The following GMPS variants were observed in gnomAD, a reference collection of about 807,000 sequenced individuals.
GMPS encodes the protein GMP synthase [glutamine-hydrolyzing].
Under a neutral mutation model 77.9 loss-of-function variants are expected in GMPS, and 15 were observed. The ratio of observed to expected loss-of-function variants is 0.19; its 90% CI spans 0.13 to 0.30. The LOEUF (loss-of-function observed/expected upper bound fraction) is 0.30, where lower values mean the gene tolerates loss of function less well. GMPS is among the 10% of genes least tolerant of loss of function. The pLI is 1.00. For missense variants in GMPS, 590 were observed against 838.8 expected (o/e 0.70, Z 3.66); for synonymous variants, 224 against 275.9 (o/e 0.81, Z 1.86).
intron 1 of GMPS, among the ~76,000 whole-genome samples, chr3:155,886,328 C>T (rs1353241565): frequency 6.6e-6 from 1 of 150,992 alleles, no homozygotes; most frequent in African/African-American, 2.4e-5. Context: ...GTAATCCCAG[C>T]ACTTTGGGAG....
chr3:155,877,246 G>A (rs1252293997), intron 1 of GMPS, among the ~76,000 whole-genome samples: 1 of 152,086 alleles, frequency 6.6e-6, no homozygotes, highest in Non-Finnish European at 1.5e-5. Flanking sequence ...GATGTTATTG[G>A]TAGCAGTAGA....
intron 2 of GMPS, chr3:155,895,573 A>C (rs1754583324): frequency 6.6e-6 from 1 of 152,164 alleles, no homozygotes. Context: ...AGCCTCCCAA[A>C]GTGCTGGGAT....
intron 7 of GMPS, among the ~76,000 whole-genome samples, chr3:155,913,372 T>C (rs1755088114): frequency 1.3e-5 from 2 of 152,178 alleles, no homozygotes; most frequent in African/African-American, 2.4e-5. Flanking sequence ...TTCATAAATA[T>C]TAGTTTTACA....
intron 3 of GMPS, among the ~76,000 whole-genome samples, chr3:155,901,717 AG>A (rs1754743249): frequency 1.3e-5 from 2 of 152,072 alleles, no homozygotes; most frequent in African/African-American, 4.8e-5. Context: ...GTAGTCTTAA[AG>A]TTAATTTTCC....
At chr3:155,871,212 C>T (rs1336733857) in intron 1 of GMPS, among the ~76,000 whole-genome samples, 3 of 152,024 alleles carry the variant, frequency 2.0e-5, no homozygotes, top group Non-Finnish European at 4.4e-5. Flanking sequence ...GAGCGCGGCG[C>T]GAGGGTGGGG....
chr3:155,871,683 TC>T (rs1430420508), intron 1 of GMPS, among the ~76,000 whole-genome samples: 2 of 152,218 alleles, frequency 1.3e-5, no homozygotes, highest in Admixed American at 6.5e-5. Context: ...GTAACCCGCT[TC>T]CCCGCCTTTG....
chr3:155,878,850 G>C (rs931598035), intron 1 of GMPS, among the ~76,000 whole-genome samples: 1 of 152,018 alleles, frequency 6.6e-6, no homozygotes, highest in Non-Finnish European at 1.5e-5. Context: ...GGGAGTCCAT[G>C]GTGTAATTCT....
chr3:155,877,391 A>G (rs1754076759), intron 1 of GMPS, among the ~76,000 whole-genome samples: 1 of 152,156 alleles, frequency 6.6e-6, no homozygotes. Flanking sequence ...TAATTGACAT[A>G]CCATGTACTC....
Position 155,937,518 on chromosome 3 carries a change from T to A in GMPS, c.1981-73T>A. The A allele has an allele frequency of 4.2e-6, 3 of 709,312 alleles. No individual in the cohort carries two copies. In the South Asian group the frequency reaches 5.0e-5, roughly 12 times the overall value. 43.9% of individuals were successfully genotyped at this position (709,312 alleles called of 1,614,324 possible). On this transcript the variant is annotated intron_variant, in intron 15 of 15. Transcript: ENST00000496455. ...AAATAGTCAAATTTTAATTTCAAAT[T>A]ACAAATGTAAGCCCTCTAGGACTGC...
chr3:155,941,896 C>G lies in GMPS; in HGVS notation c.*4204C>G. 4.7e-6 allele frequency: 1 copy of G among 212,828 alleles called. No homozygotes were observed. Among genetic ancestry groups the G allele is most frequent in the Non-Finnish European group, 9.5e-6 (1 of 105,274 alleles). 13.2% of individuals were successfully genotyped at this position (212,828 alleles called of 1,614,324 possible). ...AGATATAGAATCCCCCAAAGAGTGT[C>G]AAGATGCTAACTTCCAACCCTATTT... On this transcript the variant is annotated 3_prime_UTR_variant, in exon 16 of 16. Coordinates refer to ENST00000496455, the MANE Select transcript of GMPS (RefSeq NM_003875.3).
In GMPS at chr3:155,940,400, T is replaced by G. The variant is rs1755860274; in HGVS notation, c.*2708T>G. 3 of 203,956 alleles carry G rather than the reference T, an allele frequency of 1.5e-5. No homozygotes were observed. In the Admixed American group the frequency reaches 1.8e-4, roughly 12 times the overall value. The allele number at this position is 203,956 out of a possible 1,614,324, so 12.6% of individuals were successfully genotyped here. A position where few individuals can be genotyped will look rare whatever the true frequency, so the allele number is the denominator to read the frequency against. The stretch of plus-strand genomic sequence containing the variant: ...ACACTGTTTTCTAACCTTTTTTAAA[T>G]CCCTTAATCTTGAGGTAAACTGCAT... On this transcript the variant is annotated 3_prime_UTR_variant, in exon 16 of 16. Coordinates refer to ENST00000496455, the MANE Select transcript of GMPS (RefSeq NM_003875.3).
At chr3:155,890,652 A>G (rs560839445) in intron 1 of GMPS, among the ~76,000 whole-genome samples, 33 of 152,312 alleles carry the variant, frequency 2.2e-4, no homozygotes, top group Middle Eastern at 3.4e-3. Context: ...TTTTAATGTC[A>G]TGAAATATCT....
intron 15 of GMPS, 151 bp from the exon 16 acceptor site, chr3:155,937,440 C>T (rs1325475899): frequency 1.7e-6 from 1 of 590,844 alleles, no homozygotes; most frequent in African/African-American, 1.9e-5. Flanking sequence ...GGAATAGGTT[C>T]ATTATATAAG....
chr3:155,909,971 G>A (rs923865053), intron 5 of GMPS, among the ~76,000 whole-genome samples: 18 of 151,764 alleles, frequency 1.2e-4, no homozygotes, highest in African/African-American at 4.1e-4. Flanking sequence ...TAGGCCGGGC[G>A]CAGTGGCTCA....
chr3:155,870,682 C>T lies in GMPS; in HGVS notation c.-189C>T, dbSNP rs1213541795. ...GCGCTGCTGGTCTTCTCTCCCGCGG[C>T]GCTGGGGCCCGCGCTCCGCTGCTGT... On this transcript the variant is annotated 5_prime_UTR_variant, in exon 1 of 16. Transcript: ENST00000496455. 2.0e-6 allele frequency: 1 copy of T among 512,066 alleles called. No individual in the cohort carries two copies. The highest frequency in any genetic ancestry group is 3.5e-6 in the Non-Finnish European group (1 of 288,668). 31.7% of individuals were successfully genotyped at this position (512,066 alleles called of 1,614,324 possible). A position where few individuals can be genotyped will look rare whatever the true frequency, so the allele number is the denominator to read the frequency against.
intron 12 of GMPS, among the ~76,000 whole-genome samples, chr3:155,928,621 G>A (rs890934198): frequency 2.7e-5 from 4 of 150,072 alleles, no homozygotes; most frequent in Non-Finnish European, 5.9e-5. Flanking sequence ...GTGCCATGCT[G>A]GTGCACCGCA....
chr3:155,933,293 GC>G (rs1334915296), intron 13 of GMPS, among the ~76,000 whole-genome samples: 2 of 152,114 alleles, frequency 1.3e-5, no homozygotes, highest in African/African-American at 4.8e-5. Context: ...TTCCCTGTTT[GC>G]CGGTTTTTTT....
chr3:155,895,417 T>G (rs1469181593), intron 2 of GMPS: 13 of 152,206 alleles, frequency 8.5e-5, no homozygotes, highest in African/African-American at 3.1e-4. Context: ...CCTGGCAGAT[T>G]CTCCTGCCTC....
chr3:155,870,519 C>T (rs985573437), upstream of GMPS: 3 of 234,380 alleles, frequency 1.3e-5, no homozygotes, highest in Non-Finnish European at 2.5e-5. Context: ...GGCCGGGCGC[C>T]GCGAGCCCCT....
Sources: allele counts gnomAD v4.1 joint callset (sites outside exome capture counted in the v4.1 genomes callset), GRCh38; gene constraint gnomAD v4.1.1; transcripts MANE v1.5; gene names NCBI Gene and HGNC (gene_info 2026-07-23, HGNC 2026-07-21).